NUCB2: variants seen among roughly 807,000 people sequenced by gnomAD.
NUCB2 encodes the protein nucleobindin 2.
NUCB2 carries 48 observed loss-of-function variants against 57.9 expected under a neutral mutation model. The ratio of observed to expected loss-of-function variants is 0.83; its 90% CI spans 0.66 to 1.05. The LOEUF (loss-of-function observed/expected upper bound fraction) is 1.05, where lower values mean the gene tolerates loss of function less well. Among genes scored for constraint, NUCB2 ranks in the 50% least tolerant of loss-of-function variants. The pLI is 0.00. For missense variants in NUCB2, 442 were observed against 476.2 expected (o/e 0.93, Z 0.67); for synonymous variants, 139 against 152.1 (o/e 0.91, Z 0.64).
chr11:17,306,266 T>G (rs1947625822), intron 5 of NUCB2, among the ~76,000 whole-genome samples: 1 of 152,220 alleles, frequency 6.6e-6, no homozygotes, highest in African/African-American at 2.4e-5. Context: ...CTTGGAATAG[T>G]GGTTCTAAAA....
chr11:17,279,440 T>A (rs1942073519), intron 1 of NUCB2, among the ~76,000 whole-genome samples: 1 of 152,152 alleles, frequency 6.6e-6, no homozygotes, highest in Non-Finnish European at 1.5e-5. Flanking sequence ...ATTACAGTAG[T>A]CCTCCTTTAT....
In NUCB2 at chr11:17,311,183, T is replaced by A; in HGVS notation, c.670-10T>A. The A allele has an allele frequency of 4.4e-6, 7 of 1,584,124 alleles. No individual in the cohort carries two copies. Among genetic ancestry groups the A allele is most frequent in the Non-Finnish European group, 6.0e-6 (7 of 1,169,922 alleles). On this transcript the variant is annotated splice_polypyrimidine_tract_variant and intron_variant, in intron 7 of 13. Coordinates refer to ENST00000529010, the MANE Select transcript of NUCB2 (RefSeq NM_005013.4). ...TTTGTTTTGAGCAATTTTTTAAAAT[T>A]GGTTCACAGGGAAGCAAAGATCAAC... is the stretch of plus-strand genomic sequence containing the variant.
chr11:17,338,739 C>A (rs1238283067), intron 2 of NUCB2, among the ~76,000 whole-genome samples: 2 of 152,072 alleles, frequency 1.3e-5, no homozygotes, highest in African/African-American at 4.8e-5. Context: ...TCTCGGCTCA[C>A]TGTAACCTCC....
chr11:17,286,233 C>G (rs1259762366), intron 2 of NUCB2, among the ~76,000 whole-genome samples: 1 of 152,072 alleles, frequency 6.6e-6, no homozygotes, highest in Non-Finnish European at 1.5e-5. Context: ...ACAGAGGTTT[C>G]ACCATATTGC....
chr11:17,288,894 C>CACACACACACACACACACACACACAG (rs1565376253), intron 2 of NUCB2, among the ~76,000 whole-genome samples: 2 of 45,010 alleles, frequency 4.4e-5, no homozygotes, highest in Non-Finnish European at 7.1e-5. Context: ...CACACACACA[C>CACACACACACACACACACACACACAG]ACACACACAC....
chr11:17,326,532 T>C (rs772994689), intron 11 of NUCB2, among the ~76,000 whole-genome samples: 24 of 151,864 alleles, frequency 1.6e-4, no homozygotes, highest in Non-Finnish European at 2.9e-4. Flanking sequence ...TTGGTCAGGC[T>C]GGTCTCGAAC....
At chr11:17,329,174 A>G (rs1272735963) in intron 11 of NUCB2, among the ~76,000 whole-genome samples, 2 of 152,146 alleles carry the variant, frequency 1.3e-5, no homozygotes, top group African/African-American at 4.8e-5. Flanking sequence ...TGCAAAACAA[A>G]GCCCTCTTTA....
intron 2 of NUCB2, among the ~76,000 whole-genome samples, chr11:17,290,341 T>C (rs1259815156): frequency 6.6e-6 from 1 of 152,202 alleles, no homozygotes; most frequent in Non-Finnish European, 1.5e-5. Context: ...ATAATAACTA[T>C]AATAAAGTTC....
At chr11:17,303,919 T>G (rs1009907705) in intron 5 of NUCB2, among the ~76,000 whole-genome samples, 1 of 150,544 alleles carries the variant, frequency 6.6e-6, no homozygotes, top group Non-Finnish European at 1.5e-5. Context: ...TTATAAGTCA[T>G]ATGGCTTTCT....
intron 2 of NUCB2, among the ~76,000 whole-genome samples, chr11:17,340,489 C>G (rs1184690117): frequency 1.3e-5 from 2 of 152,064 alleles, no homozygotes; most frequent in Non-Finnish European, 2.9e-5. Context: ...TTAGGTCTAA[C>G]ATTTAAGTCT....
intron 11 of NUCB2, among the ~76,000 whole-genome samples, chr11:17,320,869 T>C (rs896404018): frequency 3.3e-5 from 5 of 152,218 alleles, no homozygotes; most frequent in African/African-American, 4.8e-5. Flanking sequence ...TTCTTGAGTA[T>C]GTGAAACATT....
In NUCB2 at chr11:17,315,976, GT is replaced by G. The variant is rs746920112; in HGVS notation, c.1002+508del. ...TTTTGTTGTTGTTTGTTTGTTTTTTGTTTTTTTGTTTTTTGAGACAGAGTCT... is the reference window on the plus strand; with the variant it reads ...TTTTGTTGTTGTTTGTTTGTTTTTTGTTTTTTGTTTTTTGAGACAGAGTCT... On this transcript the variant is annotated intron_variant, in intron 11 of 13. Transcript: ENST00000529010. 2.6e-5 allele frequency among the ~76,000 whole-genome samples: 4 copies of G among 151,576 alleles called. No homozygotes were observed. The East Asian group carries it at 5.8e-4, about 22-fold the overall frequency.
intron 6 of NUCB2, 124 bp from the exon 7 acceptor site, chr11:17,310,701 G>A (rs1262541131): frequency 4.9e-6 from 3 of 614,636 alleles, no homozygotes; most frequent in Non-Finnish European, 8.3e-6. Flanking sequence ...AAAAAGAGGA[G>A]TCCAGTATGT....
At chr11:17,291,545 C>CATAAAAAAAAAAAAAAAA (rs1944936519) in intron 2 of NUCB2, among the ~76,000 whole-genome samples, 1 of 52,220 alleles carries the variant, frequency 1.9e-5, no homozygotes, top group Non-Finnish European at 3.4e-5. Context: ...GACTCTGCAT[C>CATAAAAAAAAAAAAAAAA]AAAAAAAAAA....
Position 17,301,799 on chromosome 11 carries a change from TTGA to T in NUCB2, c.312_314del (p.Asp104del). On this transcript the variant is annotated inframe_deletion, in exon 5 of 14. Coordinates refer to ENST00000529010, the MANE Select transcript of NUCB2 (RefSeq NM_005013.4). The stretch of plus-strand genomic sequence containing the variant: ...GTAAGTCACCATGTGAGGACAAAAC[TTGA>T]TGAACTGAAAAGGCAAGAAGTAGGA... 6.2e-7 allele frequency: 1 copy of T among 1,611,952 alleles called. No individual in the cohort carries two copies.
chr11:17,330,908 C>G lies in NUCB2; in HGVS notation c.1180C>G (p.Gln394Glu), dbSNP rs768916835. The G allele has an allele frequency of 1.9e-6, 3 of 1,594,072 alleles. No individual in the cohort carries two copies. The highest frequency in any genetic ancestry group is 2.6e-6 in the Non-Finnish European group (3 of 1,163,830). ...TTCATTTTCCATTCACCAGGTCATA[C>G]AGCAGATGGAACAAAAAAAATTACA... is the stretch of plus-strand genomic sequence containing the variant. ...AQKLEYHQVI[Q>E]QMEQKKLQQG... Residue 394 changes from glutamine (Q) to glutamate (E), a missense_variant, in exon 13 of 14, where the codon CAG (glutamine) becomes GAG (glutamate). Transcript: ENST00000529010. This position sits in a 1 kb window ranked among gnomAD's most constrained non-coding sequence, Gnocchi z 4.3.
At chr11:17,345,271 A>C (rs1429636558) in intron 2 of NUCB2, among the ~76,000 whole-genome samples, 1 of 152,174 alleles carries the variant, frequency 6.6e-6, no homozygotes, top group Non-Finnish European at 1.5e-5. Context: ...ATATTTTACC[A>C]ATATTAATTA....
At chr11:17,314,056 A>C (rs1948895887) in intron 10 of NUCB2, among the ~76,000 whole-genome samples, 1 of 151,168 alleles carries the variant, frequency 6.6e-6, no homozygotes, top group African/African-American at 2.4e-5. Flanking sequence ...TTCCTTCCTC[A>C]GCCTTTTTCA....
At chr11:17,280,998 G>A (rs778071886) in intron 1 of NUCB2, among the ~76,000 whole-genome samples, 5 of 152,242 alleles carry the variant, frequency 3.3e-5, no homozygotes, top group Admixed American at 6.6e-5. Context: ...CTGAAATAGC[G>A]CCAATGTACT....
Sources: gnomAD v4.1 joint callset for allele counts (sites outside exome capture counted in the v4.1 genomes callset) on GRCh38, gnomAD v4.1.1 for gene constraint, Gnocchi (gnomAD v3.1) non-coding constraint, MANE v1.5 for transcripts, NCBI Gene and HGNC (gene_info 2026-07-23, HGNC 2026-07-21) for gene names.